The following UBAP2 variants were observed in gnomAD, a reference collection of about 807,000 sequenced individuals.
UBAP2 encodes ubiquitin associated protein 2.
A neutral mutation model predicts 139.6 loss-of-function variants in UBAP2; 75 were observed. The observed-to-expected ratio is 0.54, with a 90% CI of 0.45 to 0.65. UBAP2 has a LOEUF of 0.65. UBAP2 is among the 30% of genes least tolerant of loss of function. The pLI is 0.00. For missense variants in UBAP2, 1,368 were observed against 1,369.6 expected, an observed-to-expected ratio of 1.00 and a Z score of 0.02; for synonymous variants, 526 against 526.2, an observed-to-expected ratio of 1.00 and a Z score of 0.01.
At chr9:33,926,726 C>A (rs190113801) in intron 21 of UBAP2, 62 bp from the exon 22 acceptor site, 269 of 1,573,400 alleles carry the variant, frequency 1.7e-4, no homozygotes, top group Admixed American at 4.5e-4. Flanking sequence ...AAGCCCAGGT[C>A]CATCTAGGAG....
intron 1 of UBAP2, among the ~76,000 whole-genome samples, chr9:34,018,072 C>T (rs1479380737): frequency 6.6e-6 from 1 of 151,836 alleles, no homozygotes; most frequent in African/African-American, 2.4e-5. Context: ...CCTGCAATCC[C>T]AGCTATTTTG....
intron 22 of UBAP2, among the ~76,000 whole-genome samples, chr9:33,926,021 C>T (rs941349126): frequency 2.0e-5 from 3 of 152,186 alleles, no homozygotes; most frequent in Non-Finnish European, 4.4e-5. Context: ...CATTCTGGCA[C>T]CAACGGTCAG....
chr9:34,035,006 A>G (rs1014596030), intron 1 of UBAP2, among the ~76,000 whole-genome samples: 5 of 152,192 alleles, frequency 3.3e-5, no homozygotes, highest in African/African-American at 1.2e-4. Flanking sequence ...GTAAGCAACA[A>G]CTACATAAAC....
At chr9:34,023,772 G>T (rs1336698184) in intron 1 of UBAP2, among the ~76,000 whole-genome samples, 1 of 152,192 alleles carries the variant, frequency 6.6e-6, no homozygotes, top group Admixed American at 6.5e-5. Flanking sequence ...CAGGCCGGGT[G>T]CAGTAGCTCA....
chr9:33,997,484 T>C (rs1318335833), intron 3 of UBAP2: 3 of 152,238 alleles, frequency 2.0e-5, no homozygotes, highest in Non-Finnish European at 2.9e-5. Context: ...ATCACAGCTC[T>C]CTGCACTATA....
intron 2 of UBAP2, among the ~76,000 whole-genome samples, chr9:34,016,706 C>G (rs1824383109): frequency 6.6e-6 from 1 of 151,688 alleles, no homozygotes; most frequent in Non-Finnish European, 1.5e-5. Flanking sequence ...CAGGCGCACA[C>G]CACCACGCCC....
At chr9:33,981,845 A>AAGGG (rs1426888215) in intron 6 of UBAP2, among the ~76,000 whole-genome samples, 5 of 115,444 alleles carry the variant, frequency 4.3e-5, no homozygotes, top group African/African-American at 7.4e-5. Context: ...GAAGGGGGGA[A>AAGGG]AGGGAGGGAG....
At chr9:34,028,006 C>A (rs1467512357) in intron 1 of UBAP2, among the ~76,000 whole-genome samples, 2 of 151,396 alleles carry the variant, frequency 1.3e-5, no homozygotes, top group African/African-American at 4.9e-5. Flanking sequence ...CAATTCCATG[C>A]AGCTCAACTG....
At chr9:33,996,368 C>CA in intron 3 of UBAP2, 35 bp from the exon 4 acceptor site, 1 of 1,437,962 alleles carries the variant, frequency 7.0e-7, no homozygotes, top group Non-Finnish European at 9.7e-7. Flanking sequence ...TAGAGGCAAA[C>CA]AAAAAACTGG....
chr9:33,975,846 A>G (rs528040821), intron 6 of UBAP2, among the ~76,000 whole-genome samples: 1 of 152,096 alleles, frequency 6.6e-6, no homozygotes, highest in East Asian at 1.9e-4. Flanking sequence ...ACTATGGGTA[A>G]CAGTATGGCA....
At position 33,996,284 on chromosome 9, in the gene UBAP2, T is replaced by C; in HGVS notation, c.227A>G (p.His76Arg). 6.2e-7 allele frequency: 1 copy of C among 1,613,796 alleles called. No homozygotes were observed. Residue 76 changes from histidine to arginine, a missense_variant, in exon 4 of 29, where the codon CAT becomes CGT. Coordinates refer to ENST00000379238, the MANE Select transcript of UBAP2 (RefSeq NM_001370062.2). Reference protein sequence around the residue: ...KNQDECIVALHDCNGDVNKAI... With the variant: ...KNQDECIVALRDCNGDVNKAI... Reference sequence around the variant, plus strand: ...TTTGTTCACATCTCCATTACAATCATGTAGGGCCACTATGCATTCATCCTG... The same window carrying C: ...TTTGTTCACATCTCCATTACAATCACGTAGGGCCACTATGCATTCATCCTG...
At chr9:33,947,753 A>G (rs1304846795) in intron 13 of UBAP2, among the ~76,000 whole-genome samples, 1 of 151,774 alleles carries the variant, frequency 6.6e-6, no homozygotes, top group African/African-American at 2.4e-5. Context: ...TGAGCCTGGG[A>G]GGTCAAGATG....
intron 1 of UBAP2, among the ~76,000 whole-genome samples, chr9:34,046,125 A>G (rs1229501285): frequency 6.6e-6 from 1 of 152,208 alleles, no homozygotes. Context: ...GGTTTCTCAC[A>G]AGGAAAAATA....
intron 1 of UBAP2, among the ~76,000 whole-genome samples, chr9:34,044,464 T>C (rs1486276930): frequency 2.0e-5 from 3 of 150,614 alleles, no homozygotes; most frequent in African/African-American, 7.3e-5. Flanking sequence ...GCTTGGGAAG[T>C]TGAGGCACAA....
chr9:33,976,380 G>A (rs962237844), intron 6 of UBAP2, among the ~76,000 whole-genome samples: 4 of 152,226 alleles, frequency 2.6e-5, no homozygotes, highest in African/African-American at 9.6e-5. Flanking sequence ...ATCCCTTCAG[G>A]GTAAAGGCGA....
intron 18 of UBAP2, among the ~76,000 whole-genome samples, chr9:33,933,038 C>G (rs1371426566): frequency 6.6e-6 from 1 of 152,216 alleles, no homozygotes; most frequent in African/African-American, 2.4e-5. Flanking sequence ...GAACACTCCT[C>G]AGAAGACACA....
chr9:33,995,642 TA>T (rs1168628605), intron 4 of UBAP2: 1 of 143,150 alleles, frequency 7.0e-6, no homozygotes, highest in Non-Finnish European at 1.5e-5. Context: ...TACATATGTA[TA>T]AAAACTATAA....
Position 34,044,319 on chromosome 9 carries a change from T to C in UBAP2, c.-42+4506A>G, listed in dbSNP as rs1827371496. ...GGGAGGCTGAGGCAGGAGAATGGCG[T>C]GAACCTGGGAGGCGGAGTTTGCAGT... On this transcript the variant is annotated intron_variant, in intron 1 of 28. Coordinates refer to ENST00000379238, the MANE Select transcript of UBAP2 (RefSeq NM_001370062.2). Among the ~76,000 whole-genome samples, 3 of 151,114 alleles carry C rather than the reference T, an allele frequency of 2.0e-5. No individual in the cohort carries two copies. The South Asian group carries it at 6.3e-4, about 32-fold the overall frequency.
chr9:33,969,057 G>A, intron 8 of UBAP2, among the ~76,000 whole-genome samples: 1 of 151,778 alleles, frequency 6.6e-6, no homozygotes, highest in East Asian at 1.9e-4. Context: ...TCTATATTTT[G>A]CTTATACATT....
Sources: gnomAD v4.1 joint callset for allele counts (sites outside exome capture counted in the v4.1 genomes callset) on GRCh38, gnomAD v4.1.1 for gene constraint, MANE v1.5 for transcripts, NCBI Gene and HGNC (gene_info 2026-07-23, HGNC 2026-07-21) for gene names.